Variants in POLD1 observed in about 807,000 individuals in gnomAD.
POLD1 encodes DNA polymerase delta 1, catalytic subunit.
POLD1 carries 79 observed loss-of-function variants against 129.7 expected under a neutral mutation model. The observed-to-expected ratio is 0.61, with a 90% CI of 0.51 to 0.73. The LOEUF (loss-of-function observed/expected upper bound fraction) is 0.73. Among genes scored for constraint, POLD1 ranks in the 30% least tolerant of loss-of-function variants. The probability of loss-of-function intolerance (pLI) is 0.00; values close to 1 mark genes in which losing one functional copy is unlikely to be tolerated. For missense variants in POLD1, 1,338 were observed against 1,595.8 expected (o/e 0.84, Z 2.75); for synonymous variants, 714 against 683.3 (o/e 1.04, Z -0.70).
At position 50,413,539 on chromosome 19, in the gene POLD1, G is replaced by A. The variant is rs761696044; in HGVS notation, c.2250+18G>A. The A allele has an allele frequency of 1.6e-5, 26 of 1,589,458 alleles. No homozygotes were observed. The highest frequency in any genetic ancestry group is 3.5e-5 in the Admixed American group (2 of 57,390). ...GTGCCAAGGTCGGGGGCTGCCCACC[G>A]CTGCCCTGAGATGGGCCCAGGGCAG... On this transcript the variant is annotated intron_variant, in intron 18 of 26. Coordinates refer to ENST00000440232, the MANE Select transcript of POLD1 (RefSeq NM_002691.4).
chr19:50,396,588 C>T (rs1455001800), intron 1 of POLD1, among the ~76,000 whole-genome samples: 14 of 151,990 alleles, frequency 9.2e-5, no homozygotes, highest in Non-Finnish European at 2.9e-5. Flanking sequence ...CACCATTCTC[C>T]TGCCTCAGCC....
At position 50,398,866 on chromosome 19, in the gene POLD1, G is replaced by A. The variant is rs1057523464; in HGVS notation, c.15G>A (p.Arg5=). 1 of 1,608,414 alleles carries A rather than the reference G, an allele frequency of 6.2e-7. No individual in the cohort carries two copies. The highest frequency in any genetic ancestry group is 1.7e-5 in the Admixed American group (1 of 59,466). The change falls in exon 2 of 27, where the codon CGG becomes CGA. Residue 5 remains arginine, a synonymous_variant. Transcript: ENST00000440232. ...TGCCCAGCAGGATGGATGGCAAGCG[G>A]CGGCCAGGCCCAGGGCCCGGGGTGC... The part of the protein sequence containing the change: MDGK[R]RPGPGPGVPP...
At chr19:50,413,945 C>A (rs2122454143) in intron 19 of POLD1, 66 bp downstream of exon 19, 1 of 1,472,860 alleles carries the variant, frequency 6.8e-7, no homozygotes, top group Admixed American at 2.3e-5. Flanking sequence ...GTGTCCCGTT[C>A]TTTGGGTTCA....
rs2122509508 is a variant in POLD1, at chr19:50,417,269, G to A, written c.3218G>A (p.Ser1073Asn). 6.3e-7 allele frequency: 1 copy of A among 1,588,734 alleles called. No homozygotes were observed. The highest frequency in any genetic ancestry group is 1.7e-4 in the Middle Eastern group (1 of 5,960). ...CTGCACGAGGACGTCATCTGCACCAGGTGTGTGCCATGTCCCGACCCTGGG... is the reference window on the plus strand; with the variant it reads ...CTGCACGAGGACGTCATCTGCACCAAGTGTGTGCCATGTCCCGACCCTGGG... The part of the protein sequence containing the change: ...GSLHEDVICT[S>N]RDCPIFYMRK... Residue 1073 changes from serine (S) to asparagine (N), a missense_variant and splice_region_variant, in exon 26 of 27, where the codon AGC becomes AAC. Physicochemically the swap from Ser to Asn is conservative, Grantham distance 46. Coordinates refer to ENST00000440232, the MANE Select transcript of POLD1 (RefSeq NM_002691.4).
rs2038889864 is a variant in POLD1, at chr19:50,406,497, A to G, written c.1474A>G (p.Ser492Gly). The G allele has an allele frequency of 1.9e-6, 3 of 1,590,052 alleles. No individual in the cohort carries two copies. Among genetic ancestry groups the G allele is most frequent in the Non-Finnish European group, 2.6e-6 (3 of 1,167,862 alleles). The change falls in exon 12 of 27, where the codon AGC becomes GGC. Residue 492 changes from serine (S) to glycine (G), a missense_variant. By Grantham distance (56) the Ser-to-Gly change is moderately conservative (BLOSUM62 0). Transcript: ENST00000440232. The surrounding 1 kb of genome is among the most constrained non-coding windows in gnomAD (Gnocchi z 5.5). Reference sequence around the variant, plus strand: ...CGAGCAGAAGGAGGACGTGCAGCACAGCATCATCACCGACCTGCAGGTGCC... The same window carrying G: ...CGAGCAGAAGGAGGACGTGCAGCACGGCATCATCACCGACCTGCAGGTGCC... ...LGEQKEDVQHSIITDLQNGND... is the reference protein window; with the variant it reads ...LGEQKEDVQHGIITDLQNGND...
chr19:50,405,905 A>G (rs1390638448), intron 10 of POLD1, among the ~76,000 whole-genome samples: 2 of 152,054 alleles, frequency 1.3e-5, no homozygotes, highest in Admixed American at 6.5e-5. Context: ...CTGCCTAGGT[A>G]CAGCCCGCAG....
chr19:50,387,148 G>T (rs2038000228), intron 1 of POLD1, among the ~76,000 whole-genome samples: 1 of 152,020 alleles, frequency 6.6e-6, no homozygotes, highest in Admixed American at 6.6e-5. Context: ...CAGACATGGT[G>T]AAACTCTACT....
chr19:50,415,229 G>A (rs971973350), intron 20 of POLD1, among the ~76,000 whole-genome samples: 12 of 152,128 alleles, frequency 7.9e-5, no homozygotes, highest in Non-Finnish European at 1.6e-4. Flanking sequence ...GCTCTTCCTC[G>A]GTGGTGAAGC....
At chr19:50,400,161 T>TTTTTTTTTTTTA in intron 3 of POLD1, among the ~76,000 whole-genome samples, 1 of 128,542 alleles carries the variant, frequency 7.8e-6, no homozygotes, top group South Asian at 2.4e-4. Context: ...TTTTTTTTTT[T>TTTTTTTTTTTTA]GAGACAAGAT....
rs866500487 is a variant in POLD1 at position 50,403,098 on chromosome 19, C to T, written c.1016C>T (p.Ser339Leu). 3 of 1,565,020 alleles carry T rather than the reference C, an allele frequency of 1.9e-6. No individual in the cohort carries two copies. The highest frequency in any genetic ancestry group is 1.9e-5 in the Admixed American group (1 of 53,104). The change falls in exon 9 of 27, where the codon TCG (serine) becomes TTG (leucine). Residue 339 changes from serine (S) to leucine (L), a missense_variant. Ser to Leu is a moderately radical substitution (Grantham distance 145). Transcript: ENST00000440232. ...PERDPVIQIC[S>L]LGLRWGEPEP... ...CGGGACCCTGTCATCCAGATCTGCT[C>T]GCTGGGCCTGCGCTGGGGGGAGCCG...
intron 22 of POLD1, chr19:50,416,033 G>C: frequency 1.7e-6 from 1 of 580,342 alleles, no homozygotes; most frequent in Non-Finnish European, 3.0e-6. Flanking sequence ...CTATGGAAGG[G>C]GCCCCAGTCC....
At chr19:50,403,299 C>T (rs1429103738) in intron 9 of POLD1, 80 bp downstream of exon 9, 2 of 1,384,852 alleles carry the variant, frequency 1.4e-6, no homozygotes, top group Non-Finnish European at 2.0e-6. Context: ...CTCCTGGGTG[C>T]TGCGACGCCC....
chr19:50,409,393 C>G lies in POLD1; in HGVS notation c.2007-126C>G. 7.1e-7 allele frequency: 1 copy of G among 1,406,196 alleles called. No individual in the cohort carries two copies. The highest frequency in any genetic ancestry group is 9.9e-7 in the Non-Finnish European group (1 of 1,013,416). 87.1% of individuals were successfully genotyped at this position (1,406,196 alleles called of 1,614,324 possible). A position where few individuals can be genotyped will look rare whatever the true frequency, so the allele number is the denominator to read the frequency against. On this transcript the variant is annotated intron_variant, in intron 16 of 26. Coordinates refer to ENST00000440232, the MANE Select transcript of POLD1 (RefSeq NM_002691.4). The surrounding 1 kb of genome is among the most constrained non-coding windows in gnomAD (Gnocchi z 5.8). ...CCCCTCCTGGCAGCTTCCTTTTGCCCCCTTGGCCAGAAGCTTCTGTGCAGT... is the reference window on the plus strand; with the variant it reads ...CCCCTCCTGGCAGCTTCCTTTTGCCGCCTTGGCCAGAAGCTTCTGTGCAGT...
rs139949679 is a variant in POLD1 at position 50,402,254 on chromosome 19, C to T, written c.639C>T (p.Thr213=). The change falls in exon 6 of 27, where the codon ACC becomes ACT. Residue 213 remains threonine, a synonymous_variant. Coordinates refer to ENST00000440232, the MANE Select transcript of POLD1 (RefSeq NM_002691.4). ...GHGPSPFLRI[T]VALPRLVAPA... Reference sequence around the variant, plus strand: ...GCCCCTCCCCGTTCCTGCGCATCACCGTGGCGCTGCCGCGCCTCGTGGCCC... The same window carrying T: ...GCCCCTCCCCGTTCCTGCGCATCACTGTGGCGCTGCCGCGCCTCGTGGCCC... 78 of 1,600,546 alleles carry T rather than the reference C, an allele frequency of 4.9e-5. No individual in the cohort carries two copies. Among genetic ancestry groups the T allele is most frequent in the Non-Finnish European group, 5.7e-5 (67 of 1,172,714 alleles).
chr19:50,409,057 CG>C lies in POLD1; in HGVS notation c.1893-64del. On this transcript the variant is annotated intron_variant, in intron 15 of 26. Transcript: ENST00000440232. The surrounding 1 kb of genome is among the most constrained non-coding windows in gnomAD (Gnocchi z 5.8). ...GTGTGCTCATGGCCAAGGCCAGGAC[CG>C]TAGGGCAGAGGTGGGCTGGAGCAGG... 7.2e-7 allele frequency: 1 copy of C among 1,381,314 alleles called. No homozygotes were observed. Among genetic ancestry groups the C allele is most frequent in the East Asian group, 2.3e-5 (1 of 43,690 alleles). The allele number at this position is 1,381,314 out of a possible 1,614,324, so 85.6% of individuals were successfully genotyped here. A position where few individuals can be genotyped will look rare whatever the true frequency, so the allele number is the denominator to read the frequency against.
Position 50,407,375 on chromosome 19 carries a change from G to A in POLD1, c.1735G>A (p.Glu579Lys), listed in dbSNP as rs1354117345. ...LMPVVKSEGG[E>K]DYTGATVIEP... is the part of the protein sequence containing the mutation. ...GCCCGTGGTGAAGTCAGAGGGCGGCGAGGACTACACGGGAGCCACTGTCAT... is the reference window on the plus strand; with the variant it reads ...GCCCGTGGTGAAGTCAGAGGGCGGCAAGGACTACACGGGAGCCACTGTCAT... The change falls in exon 14 of 27, where the codon GAG becomes AAG. Residue 579 changes from glutamate to lysine, a missense_variant. Around this residue, in one of 3 missense-constraint regions of POLD1, gnomAD observed 720 missense variants for 1,002.6 expected, o/e 0.72. Transcript: ENST00000440232. The A allele has an allele frequency of 2.5e-6, 4 of 1,612,556 alleles. No homozygotes were observed. The highest frequency in any genetic ancestry group is 1.3e-5 in the African/African-American group (1 of 74,928).
chr19:50,399,154 G>A (rs1370773221), intron 2 of POLD1, 101 bp downstream of exon 2: 1 of 1,520,486 alleles, frequency 6.6e-7, no homozygotes, highest in South Asian at 1.2e-5. Context: ...ACCCCACTCT[G>A]GCCAATTTTG....
intron 24 of POLD1, 135 bp from the exon 25 acceptor site, chr19:50,416,910 G>T: frequency 9.6e-6 from 11 of 1,142,414 alleles, no homozygotes; most frequent in East Asian, 2.6e-5. Context: ...CCCCAGGGGA[G>T]TTTTCCCAGC....
At position 50,403,479 on chromosome 19, in the gene POLD1, G is replaced by T. The variant is rs200111674; in HGVS notation, c.1138-14G>T. 4.8e-5 allele frequency: 76 copies of T among 1,589,548 alleles called. No homozygotes were observed. In the East Asian group the frequency reaches 1.0e-3, roughly 21 times the overall value. On this transcript the variant is annotated splice_polypyrimidine_tract_variant and intron_variant, in intron 9 of 26. Coordinates refer to ENST00000440232, the MANE Select transcript of POLD1 (RefSeq NM_002691.4). Reference sequence around the variant, plus strand: ...GGCAACCACCAGGGTGACCCAATGTGCTCCCACCCCCAGGCCTGGTCCACC... The same window carrying T: ...GGCAACCACCAGGGTGACCCAATGTTCTCCCACCCCCAGGCCTGGTCCACC...
Sources: allele counts gnomAD v4.1 joint callset (sites outside exome capture counted in the v4.1 genomes callset), GRCh38; gene constraint gnomAD v4.1.1; regional missense constraint gnomAD v4.1.1; non-coding constraint Gnocchi (gnomAD v3.1); transcripts MANE v1.5; gene names NCBI Gene and HGNC (gene_info 2026-07-23, HGNC 2026-07-21).